SUSD1: variants seen among roughly 807,000 people sequenced by gnomAD.
SUSD1 encodes the protein sushi domain containing 1, also known as sushi domain-containing protein 1.
SUSD1 carries 65 observed loss-of-function variants against 86.9 expected under a neutral mutation model. The ratio of observed to expected loss-of-function variants is 0.75; its 90% confidence interval spans 0.61 to 0.92. The LOEUF is 0.92. Among genes scored for constraint, SUSD1 ranks in the 40% least tolerant of loss-of-function variants. The probability of loss-of-function intolerance (pLI) is 0.00; values close to 1 mark genes in which losing one functional copy is unlikely to be tolerated. For synonymous variants in SUSD1, 346 were observed against 350.0 expected (o/e 0.99, Z 0.13); for missense variants, 850 against 929.7 (o/e 0.91, Z 1.11).
chr9:112,099,449 A>T (rs1043440644), intron 9 of SUSD1, among the ~76,000 whole-genome samples: 3 of 152,166 alleles, frequency 2.0e-5, no homozygotes, highest in African/African-American at 7.2e-5. Context: ...AGAAAAAAAA[A>T]ACAAAAACAT....
At chr9:112,073,477 CTCTT>C (rs1168537953) in intron 12 of SUSD1, among the ~76,000 whole-genome samples, 8 of 152,006 alleles carry the variant, frequency 5.3e-5, no homozygotes, top group Non-Finnish European at 8.8e-5. Flanking sequence ...CTCTCTCTCT[CTCTT>C]TCTCTCTCTT....
Position 112,170,708 on chromosome 9 carries a change from T to TAGAG in SUSD1, c.103+4424_103+4425insCTCT, listed in dbSNP as rs374990062. ...TGGCCAGATCATATATATATATATA[T>TAGAG]ATAGAGAGAGAGAGAGAGAGAGAGA... On this transcript the variant is annotated intron_variant, in intron 1 of 16. Transcript: ENST00000374270. Among the ~76,000 whole-genome samples the TAGAG allele has an allele frequency of 8.9e-4, 85 of 95,496 alleles. 1 individual carries two copies. In the Middle Eastern group the frequency reaches 0.022, roughly 25 times the overall value. 62.6% of individuals were successfully genotyped at this position (95,496 alleles called of 152,430 possible). A position where few individuals can be genotyped will look rare whatever the true frequency, so the allele number is the denominator to read the frequency against.
intron 14 of SUSD1, among the ~76,000 whole-genome samples, chr9:112,056,526 C>T (rs1828457025): frequency 6.6e-6 from 1 of 152,126 alleles, no homozygotes; most frequent in African/African-American, 2.4e-5. Flanking sequence ...AATTGTCACA[C>T]AAATACAGTT....
chr9:112,078,188 T>C (rs1488703292), intron 12 of SUSD1, among the ~76,000 whole-genome samples: 1 of 152,028 alleles, frequency 6.6e-6, no homozygotes, highest in Non-Finnish European at 1.5e-5. Context: ...CTACAAAAAA[T>C]ACAGAAATTA....
At position 112,137,570 on chromosome 9, in the gene SUSD1, GA is replaced by G. The variant is rs575569671; in HGVS notation, c.706+4749del. Reference sequence around the variant, plus strand: ...GTTGATCCATTGAAAGATCATCTTAGAACTAAAATGTTATCTTTAGAAATTC... The same window carrying G: ...GTTGATCCATTGAAAGATCATCTTAGACTAAAATGTTATCTTTAGAAATTC... On this transcript the variant is annotated intron_variant, in intron 5 of 16. Coordinates refer to ENST00000374270, the MANE Select transcript of SUSD1 (RefSeq NM_022486.5). Among the ~76,000 whole-genome samples the G allele has an allele frequency of 1.6e-4, 24 of 152,174 alleles. 1 individual carries two copies. In the South Asian group the frequency reaches 4.8e-3, roughly 30 times the overall value.
At chr9:112,047,762 C>T (rs1489213698) in intron 15 of SUSD1, among the ~76,000 whole-genome samples, 3 of 152,178 alleles carry the variant, frequency 2.0e-5, no homozygotes, top group African/African-American at 7.2e-5. Context: ...TGTGTCATCA[C>T]ATGATCTCTT....
intron 15 of SUSD1, among the ~76,000 whole-genome samples, chr9:112,049,193 G>A (rs979829195): frequency 3.9e-5 from 6 of 152,248 alleles, no homozygotes; most frequent in Admixed American, 3.3e-4. Flanking sequence ...TCAGAGAGGC[G>A]TGCCCAAGGT....
intron 10 of SUSD1, among the ~76,000 whole-genome samples, chr9:112,098,257 G>A (rs1011951034): frequency 2.6e-5 from 4 of 152,094 alleles, no homozygotes; most frequent in Non-Finnish European, 5.9e-5. Flanking sequence ...GTCTATCCTT[G>A]GTCTGTGCCC....
chr9:112,080,259 T>G, intron 10 of SUSD1, 94 bp from the exon 11 acceptor site: 1 of 821,894 alleles, frequency 1.2e-6, no homozygotes, highest in East Asian at 2.6e-5. Context: ...AGTGTTAGCA[T>G]GAGTTCAACA....
At chr9:112,071,879 G>T (rs1222563973) in intron 12 of SUSD1, among the ~76,000 whole-genome samples, 2 of 152,054 alleles carry the variant, frequency 1.3e-5, no homozygotes, top group Non-Finnish European at 2.9e-5. Flanking sequence ...CCCATCCAAG[G>T]CATGGTAAAT....
At chr9:112,143,655 A>AT in intron 3 of SUSD1, 32 bp from the exon 4 acceptor site, 1 of 1,554,180 alleles carries the variant, frequency 6.4e-7, no homozygotes, top group Non-Finnish European at 8.7e-7. Flanking sequence ...AGAAAAGGAG[A>AT]TAAAAACAGA....
chr9:112,173,894 T>C, intron 1 of SUSD1: 1 of 274,916 alleles, frequency 3.6e-6, no homozygotes, highest in South Asian at 3.9e-5. Flanking sequence ...CGTATCTTTG[T>C]GATCCGGGTT....
chr9:112,112,763 T>C lies in SUSD1; in HGVS notation c.984+8A>G, dbSNP rs1160599709. The C allele has an allele frequency of 3.1e-6, 5 of 1,599,944 alleles. No individual in the cohort carries two copies. Among genetic ancestry groups the C allele is most frequent in the Non-Finnish European group, 4.3e-6 (5 of 1,167,334 alleles). ...TCCTAGCAGGAAAAAGTAGATCACTTTACTTACCACATATGAGATCTTGGG... is the reference window on the plus strand; with the variant it reads ...TCCTAGCAGGAAAAAGTAGATCACTCTACTTACCACATATGAGATCTTGGG... On this transcript the variant is annotated splice_region_variant and intron_variant, in intron 7 of 16. Coordinates refer to ENST00000374270, the MANE Select transcript of SUSD1 (RefSeq NM_022486.5).
At chr9:112,142,844 T>TC (rs1832637326) in intron 4 of SUSD1, among the ~76,000 whole-genome samples, 1 of 152,020 alleles carries the variant, frequency 6.6e-6, no homozygotes, top group African/African-American at 2.4e-5. Flanking sequence ...ATTTTCAGGG[T>TC]CACTTTTGAG....
intron 10 of SUSD1, among the ~76,000 whole-genome samples, chr9:112,097,029 A>G (rs1830424737): frequency 6.7e-6 from 1 of 150,086 alleles, no homozygotes; most frequent in Non-Finnish European, 1.5e-5. Flanking sequence ...TAAAAAAAAT[A>G]GGATAAAAAC....
chr9:112,145,688 G>C lies in SUSD1; in HGVS notation c.374-2065C>G, dbSNP rs531242257. ...TTTATTCTTTTTCCTTTTGGGTCTT[G>C]GATCAATGAACGCCTCTCCACTCAC... On this transcript the variant is annotated intron_variant, in intron 3 of 16. Transcript: ENST00000374270. 1.1e-4 allele frequency among the ~76,000 whole-genome samples: 17 copies of C among 152,208 alleles called. No individual in the cohort carries two copies. In the South Asian group the frequency reaches 2.9e-3, roughly 26 times the overall value.
chr9:112,106,943 C>T (rs1441089274), intron 8 of SUSD1, among the ~76,000 whole-genome samples: 1 of 151,000 alleles, frequency 6.6e-6, no homozygotes, highest in South Asian at 2.1e-4. Flanking sequence ...AAAAAGAAAA[C>T]AAAAGACACA....
At chr9:112,099,015 T>TTC (rs58040511) in intron 9 of SUSD1, among the ~76,000 whole-genome samples, 5,499 of 145,882 alleles carry the variant, frequency 0.038, 129 homozygotes, top group Middle Eastern at 0.096. Context: ...GAATACTTCG[T>TTC]TCTCTCTCTC....
At chr9:112,107,424 G>C (rs1589665425) in intron 8 of SUSD1, among the ~76,000 whole-genome samples, 1 of 152,002 alleles carries the variant, frequency 6.6e-6, no homozygotes, top group African/African-American at 2.4e-5. Flanking sequence ...ACTCCAGCCT[G>C]GGCGACACAG....
Sources: gnomAD v4.1 joint callset for allele counts (sites outside exome capture counted in the v4.1 genomes callset) on GRCh38, gnomAD v4.1.1 for gene constraint, MANE v1.5 for transcripts, NCBI Gene and HGNC (gene_info 2026-07-23, HGNC 2026-07-21) for gene names.